CHMP2B: variants seen among roughly 807,000 people sequenced by gnomAD.
CHMP2B encodes the protein charged multivesicular body protein 2B.
A neutral mutation model predicts 29.8 loss-of-function variants in CHMP2B; 22 were observed. That is an observed-to-expected ratio of 0.74 (90% confidence interval 0.53 to 1.05). The LOEUF (loss-of-function observed/expected upper bound fraction) is 1.05. Among genes scored for constraint, CHMP2B ranks in the 50% least tolerant of loss-of-function variants. The probability of loss-of-function intolerance (pLI) is 0.00; values close to 1 mark genes in which losing one functional copy is unlikely to be tolerated. For synonymous variants in CHMP2B, 78 were observed against 75.8 expected (o/e 1.03, Z -0.15); for missense variants, 261 against 252.2 (o/e 1.03, Z -0.24).
intron 1 of CHMP2B, among the ~76,000 whole-genome samples, chr3:87,232,855 A>G (rs1705932785): frequency 6.6e-6 from 1 of 152,192 alleles, no homozygotes; most frequent in Non-Finnish European, 1.5e-5. Flanking sequence ...AAGACTCAAA[A>G]GTCTACTGAC....
chr3:87,233,787 T>C (rs923066697), intron 1 of CHMP2B, among the ~76,000 whole-genome samples: 36 of 152,180 alleles, frequency 2.4e-4, no homozygotes, highest in African/African-American at 8.4e-4. Context: ...TCAATTGATA[T>C]GATGATTAGG....
rs1575972711 is a variant in CHMP2B at position 87,253,858 on chromosome 3, T to G, written c.*36T>G. On this transcript the variant is annotated 3_prime_UTR_variant, in exon 6 of 6. Coordinates refer to ENST00000263780, the MANE Select transcript of CHMP2B (RefSeq NM_014043.4). ...TCATACTATTTTGCTTACTTATAAT[T>G]ATGTAGTATAAACCAAGCACAGTGC... 6.8e-7 allele frequency: 1 copy of G among 1,478,664 alleles called. No individual in the cohort carries two copies. The highest frequency in any genetic ancestry group is 2.3e-5 in the East Asian group (1 of 44,074). The allele number at this position is 1,478,664 out of a possible 1,614,324, so 91.6% of individuals were successfully genotyped here. A position where few individuals can be genotyped will look rare whatever the true frequency, so the allele number is the denominator to read the frequency against.
chr3:87,242,698 C>G (rs1706140249), intron 2 of CHMP2B, among the ~76,000 whole-genome samples: 1 of 152,060 alleles, frequency 6.6e-6, no homozygotes, highest in Non-Finnish European at 1.5e-5. Flanking sequence ...TCAGTTGTTT[C>G]AACATAATTA....
intron 3 of CHMP2B, among the ~76,000 whole-genome samples, chr3:87,248,557 G>A (rs994639103): frequency 4.0e-5 from 6 of 151,782 alleles, no homozygotes; most frequent in South Asian, 2.1e-4. Context: ...GGTTTTCACC[G>A]TGTTGGCTAG....
rs554311396 is a variant in CHMP2B at position 87,245,427 on chromosome 3, C to CT, written c.127-273dup. On this transcript the variant is annotated intron_variant, in intron 2 of 5. Transcript: ENST00000263780. The stretch of plus-strand genomic sequence containing the variant: ...TTTCTCTTACCTTCTTTTGGATAGT[C>CT]TTTTTTTTTTTTTTAATTTTCTTCT... Among the ~76,000 whole-genome samples, 1,678 of 139,194 alleles carry CT rather than the reference C, an allele frequency of 0.012. 22 individuals carry two copies. The highest frequency in any genetic ancestry group is 0.038 in the African/African-American group (1,452 of 38,128). 91.3% of individuals were successfully genotyped at this position (139,194 alleles called of 152,430 possible).
chr3:87,239,932 T>G (rs1056306800), intron 1 of CHMP2B, among the ~76,000 whole-genome samples: 3 of 152,154 alleles, frequency 2.0e-5, no homozygotes, highest in African/African-American at 7.2e-5. Flanking sequence ...CAGATCTGCC[T>G]CATTGGAAAG....
chr3:87,244,030 T>TTTTTTGTTTTTTG (rs1559608505), intron 2 of CHMP2B, among the ~76,000 whole-genome samples: 1 of 144,596 alleles, frequency 6.9e-6, no homozygotes, highest in Non-Finnish European at 1.5e-5. Context: ...TTTGTTTTTT[T>TTTTTTGTTTTTTG]TTTTTTGTTT....
intron 4 of CHMP2B, among the ~76,000 whole-genome samples, chr3:87,252,458 C>T (rs1281752089): frequency 6.6e-6 from 1 of 151,686 alleles, no homozygotes; most frequent in African/African-American, 2.4e-5. Context: ...TGCTTGTGTC[C>T]CTGTTGCCTC....
At chr3:87,247,291 A>G (rs569414661) in intron 3 of CHMP2B, among the ~76,000 whole-genome samples, 24 of 152,184 alleles carry the variant, frequency 1.6e-4, no homozygotes, top group Non-Finnish European at 3.2e-4. Flanking sequence ...TGATTTGCTC[A>G]TATTGAGCTT....
chr3:87,243,082 C>G (rs1052475767), intron 2 of CHMP2B, among the ~76,000 whole-genome samples: 1 of 152,058 alleles, frequency 6.6e-6, no homozygotes, highest in Non-Finnish European at 1.5e-5. Context: ...AACATTATGT[C>G]TTCTGACCTA....
In CHMP2B at chr3:87,232,742, C is replaced by A. The variant is rs541170444; in HGVS notation, c.34+5186C>A. 9.1e-4 allele frequency among the ~76,000 whole-genome samples: 139 copies of A among 152,250 alleles called. 1 individual carries two copies. Among genetic ancestry groups the A allele is most frequent in the African/African-American group, 3.2e-3 (133 of 41,554 alleles). Reference sequence around the variant, plus strand: ...GCTTTTCTTCCAGGACACATTGCCTCTCATTCTCTCATTTATCTAAGATGA... The same window carrying A: ...GCTTTTCTTCCAGGACACATTGCCTATCATTCTCTCATTTATCTAAGATGA... On this transcript the variant is annotated intron_variant, in intron 1 of 5. Transcript: ENST00000263780.
chr3:87,252,794 C>T (rs556180265), intron 4 of CHMP2B, among the ~76,000 whole-genome samples: 3 of 151,980 alleles, frequency 2.0e-5, no homozygotes, highest in South Asian at 2.1e-4. Flanking sequence ...CCCCACAACT[C>T]AACATGATGC....
At chr3:87,236,195 A>G (rs968234588) in intron 1 of CHMP2B, among the ~76,000 whole-genome samples, 4 of 151,790 alleles carry the variant, frequency 2.6e-5, no homozygotes, top group Non-Finnish European at 5.9e-5. Context: ...AAAAGTTCCC[A>G]CCCTTTAGTC....
intron 1 of CHMP2B, 42 bp from the exon 2 acceptor site, chr3:87,240,657 T>A: frequency 7.4e-7 from 1 of 1,354,494 alleles, no homozygotes; most frequent in Non-Finnish European, 1.1e-6. Flanking sequence ...TATTGAAAAT[T>A]TTACAACCCA....
intron 1 of CHMP2B, among the ~76,000 whole-genome samples, chr3:87,239,865 A>G (rs375480691): frequency 1.3e-5 from 2 of 152,174 alleles, no homozygotes; most frequent in African/African-American, 4.8e-5. Flanking sequence ...TCGAGTATTA[A>G]CTAACTCTTC....
chr3:87,237,266 T>G (rs1178465015), intron 1 of CHMP2B, among the ~76,000 whole-genome samples: 1 of 152,168 alleles, frequency 6.6e-6, no homozygotes, highest in African/African-American at 2.4e-5. Context: ...ACCACTCATG[T>G]GACTGTATTT....
At chr3:87,253,596 A>G in intron 5 of CHMP2B, 86 bp downstream of exon 5, 1 of 1,328,390 alleles carries the variant, frequency 7.5e-7, no homozygotes, top group Non-Finnish European at 1.1e-6. Context: ...TAGGAGGTGC[A>G]TGGTTTTTAT....
intron 1 of CHMP2B, among the ~76,000 whole-genome samples, chr3:87,239,146 G>T (rs1263675712): frequency 6.6e-6 from 1 of 151,940 alleles, no homozygotes; most frequent in East Asian, 1.9e-4. Context: ...TGAGTTATAA[G>T]AATTTTTTAT....
rs1295215037 is a variant in CHMP2B, at chr3:87,227,550, G to A, written c.28G>A (p.Val10Met). 1.2e-6 allele frequency: 2 copies of A among 1,614,174 alleles called. No homozygotes were observed. Among genetic ancestry groups the A allele is most frequent in the Admixed American group, 3.3e-5 (2 of 60,030 alleles). MASLFKKKT[V>M]DDVIKEQNRE... ...GGCGTCCCTCTTCAAGAAGAAAACC[G>A]TGGATGGTGAGTTCCAGGCCGGGCT... The change falls in exon 1 of 6, where the codon GTG (valine) becomes ATG (methionine). Residue 10 changes from valine (V) to methionine (M), a missense_variant. By Grantham distance (21) the Val-to-Met change is conservative (BLOSUM62 1). Coordinates refer to ENST00000263780, the MANE Select transcript of CHMP2B (RefSeq NM_014043.4).
Sources: allele counts gnomAD v4.1 joint callset (sites outside exome capture counted in the v4.1 genomes callset), GRCh38; gene constraint gnomAD v4.1.1; transcripts MANE v1.5; gene names NCBI Gene and HGNC (gene_info 2026-07-23, HGNC 2026-07-21).